PKIA: variants seen among roughly 807,000 people sequenced by gnomAD.
The protein encoded by PKIA is PKI-alpha.
Under a neutral mutation model 7.6 loss-of-function variants are expected in PKIA, and 4 were observed. The observed-to-expected ratio is 0.52, with a 90% CI of 0.26 to 1.20. The LOEUF (loss-of-function observed/expected upper bound fraction) is 1.20, where lower values mean the gene tolerates loss of function less well. PKIA is among the 50% of genes most tolerant of loss of function. The probability of loss-of-function intolerance (pLI) is 0.13; values close to 1 mark genes in which losing one functional copy is unlikely to be tolerated. For missense variants in PKIA, 73 were observed against 86.2 expected, an observed-to-expected ratio of 0.85 and a Z score of 0.61; for synonymous variants, 21 against 30.7, an observed-to-expected ratio of 0.68 and a Z score of 1.04.
intron 1 of PKIA, among the ~76,000 whole-genome samples, chr8:78,536,824 T>C (rs1384228497): frequency 6.6e-6 from 1 of 151,464 alleles, no homozygotes; most frequent in Non-Finnish European, 1.5e-5. Context: ...TATGTTTTTA[T>C]ATAATCTGTA....
chr8:78,591,868 A>G (rs1476308196), intron 2 of PKIA, among the ~76,000 whole-genome samples: 1 of 152,140 alleles, frequency 6.6e-6, no homozygotes, highest in Non-Finnish European at 1.5e-5. Flanking sequence ...TTTTGTCCTG[A>G]TTATTTTTAT....
chr8:78,574,094 T>G (rs557853644), intron 2 of PKIA, among the ~76,000 whole-genome samples: 1 of 152,158 alleles, frequency 6.6e-6, no homozygotes, highest in South Asian at 2.1e-4. Flanking sequence ...ATAAATTTCT[T>G]AACTATATTA....
At chr8:78,581,430 A>G (rs1001003891) in intron 2 of PKIA, among the ~76,000 whole-genome samples, 1 of 152,134 alleles carries the variant, frequency 6.6e-6, no homozygotes, top group Non-Finnish European at 1.5e-5. Context: ...ATGTTAAAAA[A>G]GAAATAAATA....
At chr8:78,532,035 T>C (rs1313971014) in intron 1 of PKIA, among the ~76,000 whole-genome samples, 1 of 152,108 alleles carries the variant, frequency 6.6e-6, no homozygotes, top group African/African-American at 2.4e-5. Context: ...CAAGTAACTT[T>C]TTAACTTTTA....
At chr8:78,540,350 CATAAAT>C (rs1350668840) in intron 1 of PKIA, among the ~76,000 whole-genome samples, 1 of 151,956 alleles carries the variant, frequency 6.6e-6, no homozygotes, top group Non-Finnish European at 1.5e-5. Flanking sequence ...CTCAAATAGA[CATAAAT>C]ATATATCCAC....
rs112561713 is a variant in PKIA at position 78,572,537 on chromosome 8, GCACGCACA to G, written c.-156-270_-156-263del. ...CCACCACCCCATCACAAAAAAAGCT[GCACGCACA>G]CACACACACACACACACACACACAC... On this transcript the variant is annotated intron_variant, in intron 1 of 3. Transcript: ENST00000396418. Among the ~76,000 whole-genome samples the G allele has an allele frequency of 4.0e-4, 46 of 115,640 alleles. 1 individual carries two copies. Among genetic ancestry groups the G allele is most frequent in the African/African-American group, 1.5e-3 (39 of 26,036 alleles). 75.9% of individuals were successfully genotyped at this position (115,640 alleles called of 152,430 possible). A position where few individuals can be genotyped will look rare whatever the true frequency, so the allele number is the denominator to read the frequency against.
At chr8:78,520,339 G>A (rs1809393191) in intron 1 of PKIA, among the ~76,000 whole-genome samples, 1 of 152,076 alleles carries the variant, frequency 6.6e-6, no homozygotes, top group African/African-American at 2.4e-5. Flanking sequence ...GATACTAAAA[G>A]CATGGTGAGC....
intron 1 of PKIA, among the ~76,000 whole-genome samples, chr8:78,572,541 G>GCA (rs1554582465): frequency 0.071 from 7,007 of 98,272 alleles, 200 homozygotes; most frequent in African/African-American, 0.14. Context: ...AAAGCTGCAC[G>GCA]CACACACACA....
intron 2 of PKIA, among the ~76,000 whole-genome samples, chr8:78,595,625 T>C (rs1033684020): frequency 3.3e-5 from 5 of 152,166 alleles, no homozygotes; most frequent in Admixed American, 6.6e-5. Context: ...TATTCTTCCC[T>C]TCTTTGTGTC....
chr8:78,559,065 G>A (rs1807220890), intron 1 of PKIA, among the ~76,000 whole-genome samples: 1 of 152,126 alleles, frequency 6.6e-6, no homozygotes, highest in African/African-American at 2.4e-5. Flanking sequence ...GGAATAACAG[G>A]CATGCGCCAC....
intron 1 of PKIA, among the ~76,000 whole-genome samples, chr8:78,539,859 T>C (rs1416573416): frequency 1.3e-5 from 2 of 152,046 alleles, no homozygotes; most frequent in Non-Finnish European, 2.9e-5. Flanking sequence ...AATGTGAAGA[T>C]TTCTCTAATT....
Position 78,602,771 on chromosome 8 carries a change from T to A in PKIA, c.*950T>A, listed in dbSNP as rs931699938. The A allele has an allele frequency of 9.3e-5, 14 of 151,056 alleles. No homozygotes were observed. The highest frequency in any genetic ancestry group is 3.4e-4 in the African/African-American group (14 of 41,104). 9.4% of individuals were successfully genotyped at this position (151,056 alleles called of 1,614,324 possible). ...AGGTAGAAAAGAAAAGCCAAGATCA[T>A]ACTAAGGACTGGAAATATTTTGTTC... On this transcript the variant is annotated 3_prime_UTR_variant, in exon 4 of 4. Coordinates refer to ENST00000396418, the MANE Select transcript of PKIA (RefSeq NM_006823.4).
chr8:78,581,882 A>G (rs1346144019), intron 2 of PKIA, among the ~76,000 whole-genome samples: 1 of 152,020 alleles, frequency 6.6e-6, no homozygotes, highest in Non-Finnish European at 1.5e-5. Flanking sequence ...TAATATTTGG[A>G]TATGTTTGTA....
intron 1 of PKIA, chr8:78,533,934 T>C (rs368622870): frequency 6.6e-6 from 1 of 152,098 alleles, no homozygotes; most frequent in South Asian, 2.1e-4. Context: ...GTTTGGCATG[T>C]TAGAGATAGA....
At chr8:78,591,485 G>A (rs546313728) in intron 2 of PKIA, among the ~76,000 whole-genome samples, 1 of 152,274 alleles carries the variant, frequency 6.6e-6, no homozygotes, top group East Asian at 1.9e-4. Context: ...CAGCAATATT[G>A]CTTCTGTTGC....
chr8:78,593,225 C>T (rs139701756), intron 2 of PKIA, among the ~76,000 whole-genome samples: 42 of 152,124 alleles, frequency 2.8e-4, no homozygotes, highest in African/African-American at 7.0e-4. Flanking sequence ...CGGGTTCAAG[C>T]GATTCTCCTG....
chr8:78,536,960 T>C (rs974312798), intron 1 of PKIA, among the ~76,000 whole-genome samples: 1 of 151,384 alleles, frequency 6.6e-6, no homozygotes. Context: ...AGTGGTTCTT[T>C]CAAATAATGC....
At chr8:78,561,144 G>A (rs977361916) in intron 1 of PKIA, among the ~76,000 whole-genome samples, 2 of 151,966 alleles carry the variant, frequency 1.3e-5, no homozygotes, top group Admixed American at 1.3e-4. Context: ...CTGAGATAGG[G>A]GGCTTTAAGT....
Position 78,518,113 on chromosome 8 carries a change from CG to C in PKIA, c.-157+1646del, listed in dbSNP as rs1462759419. On this transcript the variant is annotated intron_variant, in intron 1 of 3. Transcript: ENST00000396418. ...ATTATTGCCTTTCTATTACAAATTT[CG>C]TTTTTACAAAATGCACTTTAGAAAG... is the stretch of plus-strand genomic sequence containing the variant. Among the ~76,000 whole-genome samples the C allele has an allele frequency of 4.6e-5, 7 of 152,236 alleles. No homozygotes were observed. The East Asian group carries it at 1.4e-3, about 29-fold the overall frequency.
Sources: allele counts gnomAD v4.1 joint callset (sites outside exome capture counted in the v4.1 genomes callset), GRCh38; gene constraint gnomAD v4.1.1; transcripts MANE v1.5; gene names NCBI Gene and HGNC (gene_info 2026-07-23, HGNC 2026-07-21).